Variants in STRN observed in about 807,000 individuals in gnomAD.
STRN encodes striatin.
STRN carries 53 observed loss-of-function variants against 96.3 expected under a neutral mutation model. The ratio of observed to expected loss-of-function variants is 0.55; its 90% CI spans 0.44 to 0.69. The LOEUF is 0.69. STRN is among the 30% of genes least tolerant of loss of function. The pLI is 0.00. For synonymous variants in STRN, 428 were observed against 355.9 expected, an observed-to-expected ratio of 1.20 and a Z score of -2.28; for missense variants, 987 against 963.9, an observed-to-expected ratio of 1.02 and a Z score of -0.32.
chr2:36,898,299 G>C (rs2717494), intron 6 of STRN, among the ~76,000 whole-genome samples: 130,182 of 152,194 alleles, frequency 0.86, 57,595 homozygotes, highest in Non-Finnish European at 0.96. Context: ...CACAGAAAAA[G>C]TGTCATTGAA....
chr2:36,914,044 G>T (rs750514204), intron 3 of STRN, among the ~76,000 whole-genome samples: 2 of 152,016 alleles, frequency 1.3e-5, no homozygotes, highest in Non-Finnish European at 2.9e-5. Context: ...GAGTGCAGTG[G>T]CACTATCTTA....
At position 36,881,792 on chromosome 2, in the gene STRN, G is replaced by A. The variant is rs187705161; in HGVS notation, c.1186+2140C>T. On this transcript the variant is annotated intron_variant, in intron 9 of 17. Transcript: ENST00000263918. ...ATTATTAGAATTCTGCATAATTCAT[G>A]TATGGCCTGAGATGAAATCTGATAA... Among the ~76,000 whole-genome samples the A allele has an allele frequency of 1.6e-3, 249 of 152,294 alleles. 2 individuals are homozygous for A. Among genetic ancestry groups the A allele is most frequent in the Middle Eastern group, 6.8e-3 (2 of 294 alleles).
intron 5 of STRN, 63 bp from the exon 6 acceptor site, chr2:36,899,721 C>A: frequency 7.1e-7 from 1 of 1,417,984 alleles, no homozygotes; most frequent in Non-Finnish European, 9.5e-7. Flanking sequence ...AGAAGTAACC[C>A]ATGATATGTT....
At chr2:36,963,954 A>G (rs926012195) in intron 1 of STRN, among the ~76,000 whole-genome samples, 5 of 152,016 alleles carry the variant, frequency 3.3e-5, no homozygotes, top group Non-Finnish European at 7.4e-5. Context: ...GCACCACTGC[A>G]CACCGGCCTG....
intron 12 of STRN, among the ~76,000 whole-genome samples, chr2:36,866,722 T>C (rs1191457301): frequency 1.3e-5 from 2 of 152,200 alleles, no homozygotes; most frequent in Non-Finnish European, 2.9e-5. Flanking sequence ...GTTGGGTAAA[T>C]ATATATGTAA....
chr2:36,865,146 T>C (rs2148143625), intron 12 of STRN, among the ~76,000 whole-genome samples: 1 of 152,362 alleles, frequency 6.6e-6, no homozygotes, highest in East Asian at 1.9e-4. Context: ...TATTACTGAT[T>C]CAATTTCAGA....
At chr2:36,874,728 A>AAC (rs1668856542) in intron 10 of STRN, among the ~76,000 whole-genome samples, 1 of 147,648 alleles carries the variant, frequency 6.8e-6, no homozygotes, top group African/African-American at 2.5e-5. Flanking sequence ...AAAAAAAAAA[A>AAC]AAAAAAAAAA....
chr2:36,964,153 T>G (rs1665095316), intron 1 of STRN, among the ~76,000 whole-genome samples: 1 of 124,170 alleles, frequency 8.1e-6, no homozygotes, highest in East Asian at 2.7e-4. Context: ...ATTGAAAAGT[T>G]TAAACGAGGA....
At chr2:36,888,102 T>G (rs919301233) in intron 7 of STRN, among the ~76,000 whole-genome samples, 5 of 152,204 alleles carry the variant, frequency 3.3e-5, no homozygotes, top group Non-Finnish European at 7.3e-5. Flanking sequence ...GCAAAACCCA[T>G]TCTTTCCCAC....
chr2:36,886,089 G>C (rs1036822226), intron 8 of STRN, among the ~76,000 whole-genome samples: 3 of 152,026 alleles, frequency 2.0e-5, no homozygotes, highest in Admixed American at 2.0e-4. Context: ...TTTCCTTTTG[G>C]ATTTTGTTTT....
At chr2:36,956,133 A>C (rs1664881596) in intron 1 of STRN, among the ~76,000 whole-genome samples, 1 of 152,176 alleles carries the variant, frequency 6.6e-6, no homozygotes, top group Non-Finnish European at 1.5e-5. Flanking sequence ...AGAGAATGTA[A>C]GTAGCTACTA....
intron 7 of STRN, among the ~76,000 whole-genome samples, chr2:36,889,067 T>C (rs926347068): frequency 2.6e-5 from 4 of 152,142 alleles, no homozygotes; most frequent in Non-Finnish European, 5.9e-5. Flanking sequence ...CTGTACTTTT[T>C]CTACTTTCCA....
At chr2:36,916,215 T>C in intron 2 of STRN, 64 bp from the exon 3 acceptor site, 1 of 1,374,112 alleles carries the variant, frequency 7.3e-7, no homozygotes, top group Non-Finnish European at 1.0e-6. Flanking sequence ...TACACAATAG[T>C]AGTAGTCACA....
chr2:36,950,482 C>T (rs1452757213), intron 1 of STRN, among the ~76,000 whole-genome samples: 4 of 152,114 alleles, frequency 2.6e-5, no homozygotes, highest in Non-Finnish European at 5.9e-5. Flanking sequence ...TCCCAAAGTG[C>T]TAGGATTACA....
intron 1 of STRN, among the ~76,000 whole-genome samples, chr2:36,962,575 G>A (rs1338870800): frequency 6.7e-6 from 1 of 150,284 alleles, no homozygotes; most frequent in Admixed American, 6.6e-5. Flanking sequence ...TCGCCAGGCT[G>A]GAGTGCAGTG....
intron 2 of STRN, among the ~76,000 whole-genome samples, chr2:36,923,526 C>G (rs1327823157): frequency 6.6e-6 from 1 of 150,740 alleles, no homozygotes; most frequent in South Asian, 2.1e-4. Flanking sequence ...GTCCCTAATA[C>G]AGCTTTTCAT....
At chr2:36,948,438 T>C (rs1169397467) in intron 1 of STRN, among the ~76,000 whole-genome samples, 1 of 152,184 alleles carries the variant, frequency 6.6e-6, no homozygotes, top group Non-Finnish European at 1.5e-5. Flanking sequence ...AGGTATCATC[T>C]ATTTTTTTTA....
Position 36,915,232 on chromosome 2 carries a change from AATATATATATATATATATATATAT to A in STRN, c.412+822_412+845del, listed in dbSNP as rs72466696. Reference sequence around the variant, plus strand: ...AAAGGAAATTTAAACTGAATACATAAATATATATATATATATATATATATATATATATATATATATAAAGCCTCT... The same window carrying A: ...AAAGGAAATTTAAACTGAATACATAAATATATATATATATATAAAGCCTCT... On this transcript the variant is annotated intron_variant, in intron 3 of 17. Transcript: ENST00000263918. 1.0e-3 allele frequency among the ~76,000 whole-genome samples: 88 copies of A among 86,496 alleles called. 6 individuals are homozygous for A. In the East Asian group the frequency reaches 0.022, roughly 22 times the overall value. The allele number at this position is 86,496 out of a possible 152,430, so 56.7% of individuals were successfully genotyped here. A position where few individuals can be genotyped will look rare whatever the true frequency, so the allele number is the denominator to read the frequency against.
chr2:36,934,937 G>C (rs1187343228), intron 1 of STRN, among the ~76,000 whole-genome samples: 1 of 152,138 alleles, frequency 6.6e-6, no homozygotes, highest in Non-Finnish European at 1.5e-5. Context: ...AATTAGCCCG[G>C]TGTGGTGGCT....
Sources: gnomAD v4.1 joint callset for allele counts (sites outside exome capture counted in the v4.1 genomes callset) on GRCh38, gnomAD v4.1.1 for gene constraint, MANE v1.5 for transcripts, NCBI Gene and HGNC (gene_info 2026-07-23, HGNC 2026-07-21) for gene names.